The following WASHC5 variants were observed in gnomAD, a reference collection of about 807,000 sequenced individuals.
WASHC5 encodes WASH complex subunit strumpellin.
A neutral mutation model predicts 150.4 loss-of-function variants in WASHC5; 101 were observed. That is an observed-to-expected ratio of 0.67 (90% CI 0.57 to 0.79). WASHC5 has a LOEUF of 0.79. Among genes scored for constraint, WASHC5 ranks in the 30% least tolerant of loss-of-function variants. WASHC5 has a pLI of 0.00. For synonymous variants in WASHC5, 467 were observed against 491.2 expected (o/e 0.95, Z 0.65); for missense variants, 1,195 against 1,396.3 (o/e 0.86, Z 2.30).
At chr8:125,070,583 AGTT>A (rs1023011552) in intron 9 of WASHC5, among the ~76,000 whole-genome samples, 32 of 152,218 alleles carry the variant, frequency 2.1e-4, no homozygotes. Flanking sequence ...TGAGGGCTTG[AGTT>A]GTTTATACGC....
In WASHC5 at chr8:125,063,514, G is replaced by A. The variant is rs750705132; in HGVS notation, c.1408+8C>T. On this transcript the variant is annotated splice_region_variant and intron_variant, in intron 11 of 28. Coordinates refer to ENST00000318410, the MANE Select transcript of WASHC5 (RefSeq NM_014846.4). ...CAAACACACCAGTATTTCCTCTTCA[G>A]TAATTACCATTTTTCTCCACTCTGG... 1 of 1,613,428 alleles carries A rather than the reference G, an allele frequency of 6.2e-7. No individual in the cohort carries two copies. The highest frequency in any genetic ancestry group is 1.3e-5 in the African/African-American group (1 of 74,886).
chr8:125,082,778 T>C (rs1325765162), intron 3 of WASHC5: 2 of 379,852 alleles, frequency 5.3e-6, no homozygotes, highest in African/African-American at 2.1e-5. Flanking sequence ...TCTTAAGAAG[T>C]GTATTAAGAG....
Position 125,054,457 on chromosome 8 carries a change from G to A in WASHC5, c.2097+1134C>T, listed in dbSNP as rs150914499. Among the ~76,000 whole-genome samples, 377 of 152,314 alleles carry A rather than the reference G, an allele frequency of 2.5e-3. 1 individual carries two copies. Among genetic ancestry groups the A allele is most frequent in the African/African-American group, 8.3e-3 (347 of 41,582 alleles). Reference sequence around the variant, plus strand: ...GGTGCTATGGGTAATGGAAATGGAAGCAGGGATCCAGGAGAAGAAAAAAAT... The same window carrying A: ...GGTGCTATGGGTAATGGAAATGGAAACAGGGATCCAGGAGAAGAAAAAAAT... On this transcript the variant is annotated intron_variant, in intron 17 of 28. Coordinates refer to ENST00000318410, the MANE Select transcript of WASHC5 (RefSeq NM_014846.4).
At position 125,024,284 on chromosome 8, in the gene WASHC5, A is replaced by G. The variant is rs1815307921; in HGVS notation, c.*333T>C. Reference sequence around the variant, plus strand: ...CTTTGGGTACTAGTAATACTATTTTACTGAAAATCTGGAGTTGCACAAATA... The same window carrying G: ...CTTTGGGTACTAGTAATACTATTTTGCTGAAAATCTGGAGTTGCACAAATA... On this transcript the variant is annotated 3_prime_UTR_variant, in exon 29 of 29. Coordinates refer to ENST00000318410, the MANE Select transcript of WASHC5 (RefSeq NM_014846.4). 5.6e-6 allele frequency: 2 copies of G among 357,326 alleles called. No individual in the cohort carries two copies. The highest frequency in any genetic ancestry group is 1.1e-5 in the Non-Finnish European group (2 of 190,358). The allele number at this position is 357,326 out of a possible 1,614,324, so 22.1% of individuals were successfully genotyped here.
intron 2 of WASHC5, 108 bp downstream of exon 2, chr8:125,083,605 T>A (rs1817337032): frequency 2.3e-6 from 2 of 878,858 alleles, no homozygotes; most frequent in Admixed American, 5.1e-5. Context: ...AAAGCTCTTC[T>A]CTTTAGCTTT....
intron 17 of WASHC5, among the ~76,000 whole-genome samples, chr8:125,052,108 G>A (rs1816256330): frequency 6.6e-6 from 1 of 152,024 alleles, no homozygotes; most frequent in Non-Finnish European, 1.5e-5. Context: ...AACCTAATAG[G>A]CTACATCATT....
intron 9 of WASHC5, among the ~76,000 whole-genome samples, chr8:125,071,040 G>A (rs1816883141): frequency 6.6e-6 from 1 of 152,208 alleles, no homozygotes; most frequent in South Asian, 2.1e-4. Flanking sequence ...TGTGTGCACA[G>A]TTTTTTAAAG....
chr8:125,073,159 C>T lies in WASHC5; in HGVS notation c.1144G>A (p.Asp382Asn). 1 of 1,614,102 alleles carries T rather than the reference C, an allele frequency of 6.2e-7. No homozygotes were observed. Among genetic ancestry groups the T allele is most frequent in the Non-Finnish European group, 8.5e-7 (1 of 1,179,972 alleles). Residue 382 changes from aspartate (D) to asparagine (N), a missense_variant, in exon 9 of 29, where the codon GAC becomes AAC. By Grantham distance (23) the Asp-to-Asn change is conservative. Around this residue, in one of 3 missense-constraint regions of WASHC5, gnomAD observed 997 missense variants for 1,168.1 expected, o/e 0.85. Coordinates refer to ENST00000318410, the MANE Select transcript of WASHC5 (RefSeq NM_014846.4). ...CACCCCTTTTGTGCATTACCTGAGTCTGCTGTATGAAGCATCAGCCATCGG... is the reference window on the plus strand; with the variant it reads ...CACCCCTTTTGTGCATTACCTGAGTTTGCTGTATGAAGCATCAGCCATCGG... ...AIRWLMLHTA[D>N]SACDPNNKRL...
rs1354929786 is a variant in WASHC5 at position 125,024,472 on chromosome 8, C to G, written c.*145G>C. The G allele has an allele frequency of 1.4e-6, 1 of 711,444 alleles. No homozygotes were observed. Among genetic ancestry groups the G allele is most frequent in the Admixed American group, 2.1e-5 (1 of 47,996 alleles). The allele number at this position is 711,444 out of a possible 1,614,324, so 44.1% of individuals were successfully genotyped here. A position where few individuals can be genotyped will look rare whatever the true frequency, so the allele number is the denominator to read the frequency against. On this transcript the variant is annotated 3_prime_UTR_variant, in exon 29 of 29. Coordinates refer to ENST00000318410, the MANE Select transcript of WASHC5 (RefSeq NM_014846.4). ...TATTAACTAATGCCATGAGATATAT[C>G]TTACTCAGAACGTCTGATGTTTCCC... is the stretch of plus-strand genomic sequence containing the variant.
intron 10 of WASHC5, among the ~76,000 whole-genome samples, chr8:125,065,808 G>T (rs1816730604): frequency 6.6e-6 from 1 of 151,968 alleles, no homozygotes; most frequent in African/African-American, 2.4e-5. Flanking sequence ...GTACAGATGG[G>T]GTTTTGCTAT....
intron 2 of WASHC5, 61 bp downstream of exon 2, chr8:125,083,652 C>T (rs1817338175): frequency 1.5e-6 from 2 of 1,337,352 alleles, no homozygotes; most frequent in Admixed American, 3.7e-5. Flanking sequence ...TTTCATGGTT[C>T]CCAGAGAAAA....
Position 125,059,209 on chromosome 8 carries a change from G to A in WASHC5, c.1764+13C>T. On this transcript the variant is annotated intron_variant, in intron 14 of 28. Coordinates refer to ENST00000318410, the MANE Select transcript of WASHC5 (RefSeq NM_014846.4). Reference sequence around the variant, plus strand: ...TTTCCTAGCAACAGAGAATCTCACTGTTTTTTGCTTACCTTTAGGAAGGTA... The same window carrying A: ...TTTCCTAGCAACAGAGAATCTCACTATTTTTTGCTTACCTTTAGGAAGGTA... The A allele has an allele frequency of 6.3e-7, 1 of 1,597,336 alleles. No individual in the cohort carries two copies. Among genetic ancestry groups the A allele is most frequent in the East Asian group, 2.2e-5 (1 of 44,796 alleles).
chr8:125,074,310 A>G (rs943281951), intron 8 of WASHC5, among the ~76,000 whole-genome samples: 1 of 152,226 alleles, frequency 6.6e-6, no homozygotes, highest in African/African-American at 2.4e-5. Flanking sequence ...TATTTTGTGC[A>G]TTATTTATGG....
chr8:125,079,142 A>ATATATATATAC lies in WASHC5; in HGVS notation c.519-213_519-212insGTATATATATA, dbSNP rs1312566224. Reference sequence around the variant, plus strand: ...TATATATATATATATATATATATACATTTTTTTTTGAGATGGAGTCTCGCT... The same window carrying ATATATATATAC: ...TATATATATATATATATATATATACATATATATATACTTTTTTTTTGAGATGGAGTCTCGCT... On this transcript the variant is annotated intron_variant, in intron 5 of 28. Transcript: ENST00000318410. Among the ~76,000 whole-genome samples the ATATATATATAC allele has an allele frequency of 1.0e-3, 110 of 108,156 alleles. 1 individual carries two copies. Among genetic ancestry groups the ATATATATATAC allele is most frequent in the African/African-American group, 6.2e-3 (108 of 17,292 alleles). 71.0% of individuals were successfully genotyped at this position (108,156 alleles called of 152,430 possible).
chr8:125,077,024 TC>T (rs1817083854), intron 6 of WASHC5, among the ~76,000 whole-genome samples: 1 of 152,206 alleles, frequency 6.6e-6, no homozygotes, highest in Non-Finnish European at 1.5e-5. Context: ...TTCTCTGGTT[TC>T]CTAGATACCA....
At chr8:125,058,730 AAAAG>A (rs199664011) in intron 14 of WASHC5, among the ~76,000 whole-genome samples, 16,869 of 152,050 alleles carry the variant, frequency 0.11, 2,184 homozygotes, top group African/African-American at 0.31. Flanking sequence ...CTCAAAAAAA[AAAAG>A]AAGAAGAAGA....
Position 125,067,610 on chromosome 8 carries a change from A to G in WASHC5, c.1260T>C (p.Phe420=), listed in dbSNP as rs771917818. The part of the protein sequence containing the change: ...LFQLLLDTAQ[F]EFILKEMFKQ... ...TTTTTACCTCTTTGAGTATAAACTC[A>G]AATTGTGCAGTATCTAACAGCAGCT... is the stretch of plus-strand genomic sequence containing the variant. The change falls in exon 10 of 29, where the codon TTT becomes TTC. Residue 420 remains phenylalanine (F), a synonymous_variant. Transcript: ENST00000318410. The G allele has an allele frequency of 6.2e-7, 1 of 1,612,378 alleles. No homozygotes were observed. Among genetic ancestry groups the G allele is most frequent in the Non-Finnish European group, 8.5e-7 (1 of 1,178,572 alleles).
chr8:125,052,605 A>C (rs1816273738), intron 17 of WASHC5, among the ~76,000 whole-genome samples: 1 of 100,124 alleles, frequency 1.0e-5, no homozygotes, highest in Non-Finnish European at 2.0e-5. Context: ...TATATCACAC[A>C]CACTACACAC....
intron 14 of WASHC5, 128 bp from the exon 15 acceptor site, chr8:125,057,794 A>G (rs1447439901): frequency 1.4e-5 from 9 of 642,196 alleles, no homozygotes; most frequent in Non-Finnish European, 2.1e-5. Context: ...ATAGTTTCTG[A>G]CAATACAGTT....
Sources: gnomAD v4.1 joint callset for allele counts (sites outside exome capture counted in the v4.1 genomes callset) on GRCh38, gnomAD v4.1.1 for gene constraint, gnomAD v4.1.1 regional missense constraint, MANE v1.5 for transcripts, NCBI Gene and HGNC (gene_info 2026-07-23, HGNC 2026-07-21) for gene names.